NRDE2: variants seen among roughly 807,000 people sequenced by gnomAD.
NRDE2 encodes nuclear exosome regulator NRDE2.
A neutral mutation model predicts 124.2 loss-of-function variants in NRDE2; 76 were observed. The ratio of observed to expected loss-of-function variants is 0.61; its 90% CI spans 0.51 to 0.74. The LOEUF is 0.74. Ranked by LOEUF, NRDE2 falls within the 30% of genes least tolerant of loss-of-function variation. The probability of loss-of-function intolerance (pLI) is 0.00; values close to 1 mark genes in which losing one functional copy is unlikely to be tolerated. For missense variants in NRDE2, 1,314 were observed against 1,417.3 expected (o/e 0.93, Z 1.17); for synonymous variants, 489 against 528.1 (o/e 0.93, Z 1.01).
intron 1 of NRDE2, among the ~76,000 whole-genome samples, chr14:90,330,206 C>CAAAAA (rs5810495): frequency 2.5e-3 from 327 of 132,166 alleles, no homozygotes; most frequent in Middle Eastern, 7.5e-3. Context: ...GACTTGGTCT[C>CAAAAA]AAAAAAAAAA....
At position 90,288,666 on chromosome 14, in the gene NRDE2, T is replaced by G. The variant is rs111418357; in HGVS notation, c.2709A>C (p.Leu903=). 3.7e-6 allele frequency: 6 copies of G among 1,614,176 alleles called. No individual in the cohort carries two copies. The highest frequency in any genetic ancestry group is 5.1e-6 in the Non-Finnish European group (6 of 1,180,038). ...NPAPTDSCSR[L]ISLAKCFMLF... The stretch of plus-strand genomic sequence containing the variant: ...GCATGAAGCATTTAGCCAGGCTAAT[T>G]AGGCGGCTACAGGAATCGGTGGGAG... Residue 903 remains leucine, a synonymous_variant, in exon 11 of 14, where the codon CTA becomes CTC. Coordinates refer to ENST00000354366, the MANE Select transcript of NRDE2 (RefSeq NM_017970.4).
At chr14:90,321,631 A>G (rs140448566) in intron 1 of NRDE2, among the ~76,000 whole-genome samples, 107 of 152,024 alleles carry the variant, frequency 7.0e-4, no homozygotes, top group South Asian at 4.8e-3. Context: ...ATCCTCTGTG[A>G]CCTTCATGCC....
chr14:90,293,326 C>A (rs1173459143), intron 8 of NRDE2, among the ~76,000 whole-genome samples: 1 of 151,998 alleles, frequency 6.6e-6, no homozygotes, highest in Admixed American at 6.5e-5. Context: ...TCTCTGCACA[C>A]TGCAATCTCC....
At position 90,311,803 on chromosome 14, in the gene NRDE2, G is replaced by T. The variant is rs1242601675; in HGVS notation, c.557+591C>A. Among the ~76,000 whole-genome samples the T allele has an allele frequency of 2.0e-5, 3 of 151,970 alleles. No homozygotes were observed. In the East Asian group the frequency reaches 5.8e-4, roughly 29 times the overall value. On this transcript the variant is annotated intron_variant, in intron 4 of 13. Transcript: ENST00000354366. ...AAAAAATCACAAAAAAAGTCATAAT[G>T]TTTTAAGAAAGTTTACAAATTTGGG...
chr14:90,285,088 G>C (rs140929219), intron 12 of NRDE2, among the ~76,000 whole-genome samples: 49 of 151,918 alleles, frequency 3.2e-4, no homozygotes, highest in Middle Eastern at 6.8e-3. Context: ...AGACCAGTCT[G>C]GCCAACATGG....
chr14:90,306,775 T>A (rs937260241), intron 4 of NRDE2, among the ~76,000 whole-genome samples: 1 of 150,044 alleles, frequency 6.7e-6, no homozygotes, highest in Non-Finnish European at 1.5e-5. Context: ...AAGCCACTGC[T>A]CTCCAGCCTG....
Position 90,269,987 on chromosome 14 carries a change from CAG to C in NRDE2, c.*8347_*8348del, listed in dbSNP as rs1177135022. 6.8e-5 allele frequency: 37 copies of C among 547,690 alleles called. No homozygotes were observed. The highest frequency in any genetic ancestry group is 6.4e-4 in the South Asian group (22 of 34,244). The allele number at this position is 547,690 out of a possible 1,614,324, so 33.9% of individuals were successfully genotyped here. ...TCATTTATTTCTGAAGGTACCAAAG[CAG>C]AGAGAGTTTCTTTTAAATGAAGAGA... On this transcript the variant is annotated 3_prime_UTR_variant, in exon 14 of 14. Coordinates refer to ENST00000354366, the MANE Select transcript of NRDE2 (RefSeq NM_017970.4).
chr14:90,292,986 G>C, intron 8 of NRDE2, 114 bp from the exon 9 acceptor site: 1 of 893,806 alleles, frequency 1.1e-6, no homozygotes, highest in South Asian at 1.6e-5. Flanking sequence ...ATGTGTAAGA[G>C]CCATGCCAGT....
At chr14:90,314,677 C>G (rs903127286) in intron 3 of NRDE2, among the ~76,000 whole-genome samples, 4 of 152,144 alleles carry the variant, frequency 2.6e-5, no homozygotes, top group African/African-American at 7.2e-5. Flanking sequence ...TTTAAAGACA[C>G]AGTAAAAGGT....
At chr14:90,295,545 G>A (rs753279686) in intron 8 of NRDE2, among the ~76,000 whole-genome samples, 27 of 152,246 alleles carry the variant, frequency 1.8e-4, no homozygotes, top group Middle Eastern at 6.8e-3. Flanking sequence ...ATCAGACTTA[G>A]ATACCTGAAT....
intron 1 of NRDE2, among the ~76,000 whole-genome samples, chr14:90,323,079 C>G (rs1426805050): frequency 6.6e-6 from 1 of 152,162 alleles, no homozygotes; most frequent in Non-Finnish European, 1.5e-5. Flanking sequence ...TTGTATTATG[C>G]ATACACACCA....
chr14:90,303,209 A>G (rs976924484), intron 5 of NRDE2, 84 bp from the exon 6 acceptor site: 1 of 1,293,804 alleles, frequency 7.7e-7, no homozygotes, highest in African/African-American at 1.5e-5. Flanking sequence ...TTTTCTTACC[A>G]CCCCCTAGGG....
rs753350454 is a variant in NRDE2, at chr14:90,288,548, A to G, written c.2827T>C (p.Ser943Pro). The G allele has an allele frequency of 1.2e-6, 2 of 1,614,016 alleles. No individual in the cohort carries two copies. The highest frequency in any genetic ancestry group is 2.7e-5 in the African/African-American group (2 of 74,932). ...GAGCTGGCACTGTCCCCCTCGCCAG[A>G]GCCTTCTGGGAAAACAGAACTGTTC... ...KLNSSVFPEG[S>P]GEGDSASSQS... Residue 943 changes from serine to proline, a missense_variant, in exon 11 of 14, where the codon TCT (serine) becomes CCT (proline). By Grantham distance (74) the Ser-to-Pro change is moderately conservative (BLOSUM62 -1). Transcript: ENST00000354366.
In NRDE2 at chr14:90,275,462, T is replaced by C. The variant is rs756858509; in HGVS notation, c.*2874A>G. ...AGTATTGCCTTTTCCTCATTGGTAA[T>C]AGCTGAGCGTTTTCCTCTAGAGGGA... On this transcript the variant is annotated 3_prime_UTR_variant, in exon 14 of 14. Transcript: ENST00000354366. The C allele has an allele frequency of 2.0e-5, 3 of 152,160 alleles. No homozygotes were observed. Among genetic ancestry groups the C allele is most frequent in the Non-Finnish European group, 2.9e-5 (2 of 68,022 alleles). The allele number at this position is 152,160 out of a possible 1,614,324, so 9.4% of individuals were successfully genotyped here.
At chr14:90,309,422 G>A (rs1338284127) in intron 4 of NRDE2, among the ~76,000 whole-genome samples, 1 of 141,038 alleles carries the variant, frequency 7.1e-6, no homozygotes, top group African/African-American at 2.7e-5. Flanking sequence ...GCAGTGAGTC[G>A]AGATAGCATC....
intron 7 of NRDE2, among the ~76,000 whole-genome samples, chr14:90,298,861 T>G (rs1213688498): frequency 1.3e-5 from 2 of 152,152 alleles, no homozygotes; most frequent in Non-Finnish European, 2.9e-5. Flanking sequence ...TCATGCCGCT[T>G]TCAAGATATT....
chr14:90,288,099 G>T, intron 11 of NRDE2, 118 bp downstream of exon 11: 1 of 912,182 alleles, frequency 1.1e-6, no homozygotes, highest in Non-Finnish European at 1.7e-6. Flanking sequence ...CACGGCAGGT[G>T]TTCTGGGCAC....
intron 7 of NRDE2, 113 bp downstream of exon 7, chr14:90,301,126 C>T (rs960793972): frequency 3.8e-6 from 4 of 1,059,170 alleles, no homozygotes; most frequent in Non-Finnish European, 5.7e-6. Flanking sequence ...ATTTTAAAAA[C>T]ACTACCACAC....
At chr14:90,291,822 C>T (rs1892278078) in intron 9 of NRDE2, among the ~76,000 whole-genome samples, 3 of 151,642 alleles carry the variant, frequency 2.0e-5, no homozygotes, top group Non-Finnish European at 4.4e-5. Flanking sequence ...AGAGCAGATG[C>T]TCCGTCATCA....
Sources: gnomAD v4.1 joint callset for allele counts (sites outside exome capture counted in the v4.1 genomes callset) on GRCh38, gnomAD v4.1.1 for gene constraint, MANE v1.5 for transcripts, NCBI Gene and HGNC (gene_info 2026-07-23, HGNC 2026-07-21) for gene names.